TENM2: variants seen among roughly 807,000 people sequenced by gnomAD.
TENM2 encodes teneurin-2.
TENM2 carries 52 observed loss-of-function variants against 245.2 expected under a neutral mutation model. The observed-to-expected ratio is 0.21, with a 90% CI of 0.17 to 0.27. The LOEUF (loss-of-function observed/expected upper bound fraction) is 0.27, where lower values mean the gene tolerates loss of function less well. Ranked by LOEUF, TENM2 falls within the 10% of genes least tolerant of loss-of-function variation. The pLI is 1.00. For missense variants in TENM2, 3,046 were observed against 3,666.8 expected, an observed-to-expected ratio of 0.83 and a Z score of 4.37; for synonymous variants, 1,363 against 1,438.9, an observed-to-expected ratio of 0.95 and a Z score of 1.19.
At chr5:167,622,974 C>T (rs531451840) in intron 2 of TENM2, among the ~76,000 whole-genome samples, 2 of 152,226 alleles carry the variant, frequency 1.3e-5, no homozygotes, top group Non-Finnish European at 2.9e-5. Flanking sequence ...GTTGTCTGTA[C>T]TTGTGGCAGG....
intron 2 of TENM2, among the ~76,000 whole-genome samples, chr5:167,593,164 T>G (rs976160782): frequency 3.3e-5 from 5 of 152,344 alleles, no homozygotes; most frequent in African/African-American, 4.8e-5. Context: ...TAAAGATAGA[T>G]ACAGCTCACT....
chr5:167,768,749 C>G (rs939199935), intron 2 of TENM2, among the ~76,000 whole-genome samples: 2 of 152,188 alleles, frequency 1.3e-5, no homozygotes, highest in Admixed American at 1.3e-4. Flanking sequence ...ATGCCTTTCT[C>G]ATGAGATTCT....
chr5:167,862,317 T>C (rs758576736), intron 2 of TENM2, among the ~76,000 whole-genome samples: 3 of 152,148 alleles, frequency 2.0e-5, no homozygotes, highest in South Asian at 4.1e-4. Context: ...CAGCAACTTG[T>C]TGGGAGCCGA....
the TENM2 span, among the ~76,000 whole-genome samples, chr5:167,034,847 T>C: frequency 5.9e-5 from 9 of 152,050 alleles, no homozygotes; most frequent in African/African-American, 2.2e-4. Context: ...CAGTGAGGAT[T>C]AGTACTCTTC....
At chr5:167,516,877 A>C (rs1215513602) in intron 2 of TENM2, among the ~76,000 whole-genome samples, 1 of 152,238 alleles carries the variant, frequency 6.6e-6, no homozygotes, top group African/African-American at 2.4e-5. Context: ...GAGGCAGCTC[A>C]AAACACTGTG....
chr5:167,968,234 G>T (rs145030303), intron 4 of TENM2, among the ~76,000 whole-genome samples: 49 of 152,280 alleles, frequency 3.2e-4, no homozygotes, highest in African/African-American at 1.2e-3. Flanking sequence ...GGGCCATTCT[G>T]TGAGTATTCT....
chr5:167,931,143 A>G (rs1296673071), intron 3 of TENM2, among the ~76,000 whole-genome samples: 2 of 152,224 alleles, frequency 1.3e-5, no homozygotes, highest in African/African-American at 4.8e-5. Context: ...GAGATTGTCA[A>G]CAGCAAGAGG....
intron 4 of TENM2, among the ~76,000 whole-genome samples, chr5:167,992,726 A>G (rs1008458857): frequency 6.6e-6 from 1 of 152,234 alleles, no homozygotes; most frequent in African/African-American, 2.4e-5. Flanking sequence ...TGTGGAAGAT[A>G]ACAACTAGAT....
At chr5:168,048,609 C>T (rs879702959) in intron 6 of TENM2, among the ~76,000 whole-genome samples, 1 of 152,168 alleles carries the variant, frequency 6.6e-6, no homozygotes, top group African/African-American at 2.4e-5. Context: ...CAGAGTTGTG[C>T]CCTGTGCATC....
chr5:167,464,777 T>A (rs1449896353), intron 2 of TENM2, among the ~76,000 whole-genome samples: 1 of 152,192 alleles, frequency 6.6e-6, no homozygotes, highest in African/African-American at 2.4e-5. Flanking sequence ...TAGGAAATAA[T>A]TGGATATTGT....
At chr5:167,416,329 A>G (rs1763165754) in intron 2 of TENM2, among the ~76,000 whole-genome samples, 1 of 152,182 alleles carries the variant, frequency 6.6e-6, no homozygotes, top group Non-Finnish European at 1.5e-5. Context: ...ATCTGGTATC[A>G]CAATTTCCCT....
chr5:168,005,159 T>A (rs1784724967), intron 5 of TENM2, among the ~76,000 whole-genome samples: 2 of 152,292 alleles, frequency 1.3e-5, no homozygotes, highest in South Asian at 4.1e-4. Flanking sequence ...CACAGTGATA[T>A]CCATATTGTA....
chr5:168,025,202 T>C (rs1438182414), intron 5 of TENM2, among the ~76,000 whole-genome samples: 1 of 152,240 alleles, frequency 6.6e-6, no homozygotes, highest in African/African-American at 2.4e-5. Flanking sequence ...CTGTTTTGCA[T>C]AAACTGAAAA....
intron 2 of TENM2, among the ~76,000 whole-genome samples, chr5:167,646,177 C>CATATATATAT (rs57273762): frequency 1.9e-4 from 16 of 84,160 alleles, no homozygotes; most frequent in Admixed American, 1.9e-3. Flanking sequence ...ATGTTGTTTT[C>CATATATATAT]ATATATATAT....
chr5:167,763,972 A>T (rs1762841425), intron 2 of TENM2, among the ~76,000 whole-genome samples: 1 of 152,062 alleles, frequency 6.6e-6, no homozygotes, highest in Non-Finnish European at 1.5e-5. Flanking sequence ...CTTCGTGGGA[A>T]GGTGTCTCAA....
At chr5:168,159,875 G>A (rs1329769523) in intron 12 of TENM2, among the ~76,000 whole-genome samples, 1 of 152,322 alleles carries the variant, frequency 6.6e-6, no homozygotes, top group Non-Finnish European at 1.5e-5. Context: ...TTAAAAAAAA[G>A]CCTCATTCAA....
chr5:167,115,752 A>T, the TENM2 span, among the ~76,000 whole-genome samples: 1 of 152,240 alleles, frequency 6.6e-6, no homozygotes, highest in Non-Finnish European at 1.5e-5. Flanking sequence ...TGTTGGGAAA[A>T]AAAGAATTTT....
chr5:167,816,891 A>T (rs1457721153), intron 2 of TENM2, among the ~76,000 whole-genome samples: 1 of 152,196 alleles, frequency 6.6e-6, no homozygotes, highest in Non-Finnish European at 1.5e-5. Context: ...AGTATGTACC[A>T]TGGAAGTACA....
intron 2 of TENM2, among the ~76,000 whole-genome samples, chr5:167,500,987 C>T (rs1042058159): frequency 6.6e-6 from 1 of 152,108 alleles, no homozygotes; most frequent in South Asian, 2.1e-4. Context: ...AAATTTGAGA[C>T]TCCTTTAGTG....
Sources: allele counts gnomAD v4.1 joint callset (sites outside exome capture counted in the v4.1 genomes callset), GRCh38; gene constraint gnomAD v4.1.1; transcripts MANE v1.5; gene names NCBI Gene and HGNC (gene_info 2026-07-23, HGNC 2026-07-21).